CDH10: variants seen among roughly 807,000 people sequenced by gnomAD.
The protein encoded by CDH10 is cadherin 10.
CDH10 carries 30 observed loss-of-function variants against 73.1 expected under a neutral mutation model. That is an observed-to-expected ratio of 0.41 (90% CI 0.31 to 0.56). The LOEUF (loss-of-function observed/expected upper bound fraction) is 0.56, where lower values mean the gene tolerates loss of function less well. CDH10 is among the 20% of genes least tolerant of loss of function. The pLI is 0.27. For missense variants in CDH10, 815 were observed against 973.7 expected, an observed-to-expected ratio of 0.84 and a Z score of 2.17; for synonymous variants, 345 against 348.2, an observed-to-expected ratio of 0.99 and a Z score of 0.10.
At chr5:24,557,985 A>G (rs570983231) in intron 2 of CDH10, among the ~76,000 whole-genome samples, 1 of 151,940 alleles carries the variant, frequency 6.6e-6, no homozygotes, top group East Asian at 1.9e-4. Context: ...TCAAATTTTT[A>G]GAAACAAGAG....
chr5:24,502,834 C>T (rs1742546798), intron 8 of CDH10, among the ~76,000 whole-genome samples: 1 of 152,008 alleles, frequency 6.6e-6, no homozygotes, highest in Non-Finnish European at 1.5e-5. Context: ...GTACATCTAA[C>T]TATGGGGATG....
intron 1 of CDH10, among the ~76,000 whole-genome samples, chr5:24,605,761 C>CA (rs1746739071): frequency 1.3e-5 from 2 of 152,172 alleles, no homozygotes; most frequent in African/African-American, 4.8e-5. Context: ...AAACTTTTTA[C>CA]AAATGATTAT....
chr5:24,565,726 G>A (rs1300580099), intron 2 of CDH10, among the ~76,000 whole-genome samples: 1 of 151,700 alleles, frequency 6.6e-6, no homozygotes, highest in African/African-American at 2.4e-5. Flanking sequence ...AACAAGACAG[G>A]GAGAACTCTC....
At chr5:24,510,643 G>A (rs1372806215) in intron 6 of CDH10, among the ~76,000 whole-genome samples, 1 of 152,242 alleles carries the variant, frequency 6.6e-6, no homozygotes, top group Admixed American at 6.5e-5. Context: ...ATAACAGTTG[G>A]TTTTGTACTT....
intron 5 of CDH10, among the ~76,000 whole-genome samples, chr5:24,515,519 T>C (rs1050404741): frequency 2.6e-5 from 4 of 152,212 alleles, no homozygotes; most frequent in African/African-American, 9.6e-5. Context: ...TAAAAATGTT[T>C]CCGTTTACAA....
intron 2 of CDH10, among the ~76,000 whole-genome samples, chr5:24,575,569 A>T (rs925593088): frequency 8.5e-5 from 13 of 152,126 alleles, no homozygotes; most frequent in Non-Finnish European, 1.6e-4. Flanking sequence ...CCAGAAGCAG[A>T]TACCACTGGT....
At chr5:24,636,487 A>T (rs1747872716) in intron 1 of CDH10, among the ~76,000 whole-genome samples, 2 of 152,058 alleles carry the variant, frequency 1.3e-5, no homozygotes, top group East Asian at 3.9e-4. Context: ...ACAGACTATT[A>T]TATAGAAGAG....
chr5:24,571,639 T>C (rs1418868474), intron 2 of CDH10, among the ~76,000 whole-genome samples: 1 of 152,096 alleles, frequency 6.6e-6, no homozygotes. Flanking sequence ...TATAATATGC[T>C]AGACAGAAAA....
intron 8 of CDH10, among the ~76,000 whole-genome samples, chr5:24,500,496 C>T (rs749928517): frequency 2.6e-5 from 4 of 152,214 alleles, no homozygotes; most frequent in Non-Finnish European, 4.4e-5. Flanking sequence ...TCCACTTGTT[C>T]GTGTACCACG....
chr5:24,514,670 TAA>T (rs1223312251), intron 5 of CDH10, among the ~76,000 whole-genome samples: 2 of 152,170 alleles, frequency 1.3e-5, no homozygotes, highest in East Asian at 1.9e-4. Context: ...TTGTTGATGT[TAA>T]GTGTTTAATT....
intron 5 of CDH10, among the ~76,000 whole-genome samples, chr5:24,514,314 C>A (rs982966290): frequency 5.3e-5 from 8 of 152,144 alleles, no homozygotes; most frequent in African/African-American, 1.9e-4. Context: ...ACTGACCCGT[C>A]ATAATTTAGA....
At chr5:24,573,655 C>G (rs1210754512) in intron 2 of CDH10, among the ~76,000 whole-genome samples, 2 of 146,856 alleles carry the variant, frequency 1.4e-5, no homozygotes, top group Admixed American at 6.8e-5. Context: ...GAGCGGAGAT[C>G]GCGCCACTGC....
At chr5:24,540,720 G>T (rs769913412) in intron 2 of CDH10, among the ~76,000 whole-genome samples, 6 of 151,904 alleles carry the variant, frequency 3.9e-5, no homozygotes, top group Non-Finnish European at 8.8e-5. Context: ...AATCACTAGA[G>T]CTTGTACTAA....
intron 5 of CDH10, among the ~76,000 whole-genome samples, chr5:24,513,379 T>C (rs1043197203): frequency 1.3e-5 from 2 of 152,090 alleles, no homozygotes; most frequent in Admixed American, 1.3e-4. Flanking sequence ...CCTCATGTTA[T>C]CATAATGCAG....
intron 1 of CDH10, among the ~76,000 whole-genome samples, chr5:24,605,247 G>A (rs1746719379): frequency 6.6e-6 from 1 of 152,218 alleles, no homozygotes; most frequent in African/African-American, 2.4e-5. Context: ...CAGGGATATA[G>A]TATAGGTCTA....
chr5:24,582,896 G>A (rs1745851933), intron 2 of CDH10, among the ~76,000 whole-genome samples: 1 of 152,134 alleles, frequency 6.6e-6, no homozygotes, highest in Non-Finnish European at 1.5e-5. Context: ...TACTTTCCTA[G>A]TCATTGGTTT....
At chr5:24,632,434 A>T (rs1033831310) in intron 1 of CDH10, among the ~76,000 whole-genome samples, 7 of 152,054 alleles carry the variant, frequency 4.6e-5, no homozygotes, top group African/African-American at 1.7e-4. Flanking sequence ...GCTGAGAAAA[A>T]AACTCCATCA....
Position 24,498,388 on chromosome 5 carries a change from A to G in CDH10, c.1515+10T>C. 1 of 1,585,470 alleles carries G rather than the reference A, an allele frequency of 6.3e-7. No homozygotes were observed. The highest frequency in any genetic ancestry group is 8.6e-7 in the Non-Finnish European group (1 of 1,159,736). The stretch of plus-strand genomic sequence containing the variant: ...AATCTTTCCAGAGTTTTAATCCTGT[A>G]GGGGCTTACCTGCCCTGGTCTGGCA... On this transcript the variant is annotated intron_variant, in intron 9 of 11. Coordinates refer to ENST00000264463, the MANE Select transcript of CDH10 (RefSeq NM_006727.5).
Position 24,547,772 on chromosome 5 carries a change from T to G in CDH10, c.232-10098A>C, listed in dbSNP as rs564008642. 3.9e-5 allele frequency among the ~76,000 whole-genome samples: 6 copies of G among 152,280 alleles called. No homozygotes were observed. In the East Asian group the frequency reaches 1.2e-3, roughly 29 times the overall value. On this transcript the variant is annotated intron_variant, in intron 2 of 11. Coordinates refer to ENST00000264463, the MANE Select transcript of CDH10 (RefSeq NM_006727.5). ...TTGAGGATTTACAGAGACTTATTTT[T>G]TAACCTAAGGGCATTCAACAATTCT... is the stretch of plus-strand genomic sequence containing the variant.
Sources: allele counts gnomAD v4.1 joint callset (sites outside exome capture counted in the v4.1 genomes callset), GRCh38; gene constraint gnomAD v4.1.1; transcripts MANE v1.5; gene names NCBI Gene and HGNC (gene_info 2026-07-23, HGNC 2026-07-21).